RABGAP1: variants seen among roughly 807,000 people sequenced by gnomAD.
RABGAP1 encodes rab GTPase-activating protein 1.
RABGAP1 carries 23 observed loss-of-function variants against 137.6 expected under a neutral mutation model. That is an observed-to-expected ratio of 0.17 (90% CI 0.12 to 0.24). RABGAP1 has a LOEUF of 0.24. Among genes scored for constraint, RABGAP1 ranks in the 10% least tolerant of loss-of-function variants. The pLI is 1.00. For synonymous variants in RABGAP1, 451 were observed against 450.7 expected, an observed-to-expected ratio of 1.00 and a Z score of -0.01; for missense variants, 906 against 1,275.8, an observed-to-expected ratio of 0.71 and a Z score of 4.42.
At chr9:122,950,208 C>T (rs1193757458) in intron 1 of RABGAP1, among the ~76,000 whole-genome samples, 1 of 151,694 alleles carries the variant, frequency 6.6e-6, no homozygotes, top group Non-Finnish European at 1.5e-5. Flanking sequence ...TTGTTATAGC[C>T]AGGTTGAAAG....
chr9:123,030,292 G>C (rs2032225739), intron 13 of RABGAP1, among the ~76,000 whole-genome samples: 1 of 152,160 alleles, frequency 6.6e-6, no homozygotes, highest in Non-Finnish European at 1.5e-5. Context: ...CCATGAAGTA[G>C]ACAACTTCAA....
chr9:122,982,857 G>C lies in RABGAP1; in HGVS notation c.151-1628G>C, dbSNP rs117708385. 4.8e-3 allele frequency among the ~76,000 whole-genome samples: 728 copies of C among 152,144 alleles called. 3 individuals are homozygous for C. The highest frequency in any genetic ancestry group is 8.8e-3 in the Non-Finnish European group (597 of 67,998). On this transcript the variant is annotated intron_variant, in intron 2 of 25. Coordinates refer to ENST00000373647, the MANE Select transcript of RABGAP1 (RefSeq NM_012197.4). ...TCAAGTCCACGCTGGGCAACATAGT[G>C]ATATGATGTCACTTTTAAAAAAAAG...
chr9:123,079,572 G>A (rs151019354), intron 19 of RABGAP1, among the ~76,000 whole-genome samples: 385 of 152,194 alleles, frequency 2.5e-3, no homozygotes, highest in African/African-American at 8.9e-3. Context: ...TTGTTGTGAT[G>A]TGAACGGTTT....
chr9:123,057,129 A>C (rs1268731884), intron 13 of RABGAP1, among the ~76,000 whole-genome samples: 1 of 147,058 alleles, frequency 6.8e-6, no homozygotes, highest in Non-Finnish European at 1.5e-5. Context: ...TCCCTCCCGG[A>C]CGGGGCGGCT....
At chr9:122,962,529 A>AT (rs917800830) in intron 2 of RABGAP1, among the ~76,000 whole-genome samples, 83 of 151,952 alleles carry the variant, frequency 5.5e-4, no homozygotes, top group Middle Eastern at 3.4e-3. Flanking sequence ...TTAAAAAAAA[A>AT]AATAATAAAA....
At chr9:123,092,471 T>TC (rs1466053847) in intron 21 of RABGAP1, among the ~76,000 whole-genome samples, 1 of 152,210 alleles carries the variant, frequency 6.6e-6, no homozygotes, top group African/African-American at 2.4e-5. Flanking sequence ...GATGAGGATT[T>TC]GTTTTTTTTA....
At chr9:122,989,254 T>A in intron 4 of RABGAP1, 43 bp from the exon 5 acceptor site, 1 of 1,532,748 alleles carries the variant, frequency 6.5e-7, no homozygotes. Flanking sequence ...GTGCAGATTG[T>A]TCATAATTCC....
rs751312197 is a variant in RABGAP1, at chr9:122,984,663, C to T, written c.329C>T (p.Pro110Leu). 1 of 1,614,158 alleles carries T rather than the reference C, an allele frequency of 6.2e-7. No homozygotes were observed. Among genetic ancestry groups the T allele is most frequent in the East Asian group, 2.2e-5 (1 of 44,872 alleles). Reference sequence around the variant, plus strand: ...GCTTCATCCACCATTAACCCTGTGCCATTAGTAGGGCTCCAAAAACCAGAG... The same window carrying T: ...GCTTCATCCACCATTAACCCTGTGCTATTAGTAGGGCTCCAAAAACCAGAG... ...LSASSTINPV[P>L]LVGLQKPEMS... The change falls in exon 3 of 26, where the codon CCA becomes CTA. Residue 110 changes from proline to leucine, a missense_variant. Transcript: ENST00000373647.
At position 123,073,694 on chromosome 9, in the gene RABGAP1, G is replaced by C; in HGVS notation, c.2109+17G>C. 1 of 1,613,404 alleles carries C rather than the reference G, an allele frequency of 6.2e-7. No individual in the cohort carries two copies. On this transcript the variant is annotated intron_variant, in intron 16 of 25. Transcript: ENST00000373647. ...CTCATGCAGGTAAAAAGAGAAACCA[G>C]CTTGTGTTTGACAAAAAGAGTACAG...
chr9:123,015,658 T>G, intron 12 of RABGAP1, 22 bp downstream of exon 12: 1 of 1,524,932 alleles, frequency 6.6e-7, no homozygotes, highest in Non-Finnish European at 9.1e-7. Context: ...TAGAATAGTT[T>G]TTTTTATCTG....
intron 13 of RABGAP1, among the ~76,000 whole-genome samples, chr9:123,036,960 AT>A (rs1347159165): frequency 6.6e-6 from 1 of 152,022 alleles, no homozygotes; most frequent in Non-Finnish European, 1.5e-5. Context: ...CAAGAGGTTT[AT>A]TTTTCTAAAA....
intron 13 of RABGAP1, among the ~76,000 whole-genome samples, chr9:123,032,114 A>G (rs2032332041): frequency 6.6e-6 from 1 of 152,216 alleles, no homozygotes; most frequent in South Asian, 2.1e-4. Context: ...AGCCTTAAGC[A>G]TTTCAACATG....
At chr9:123,068,193 T>G (rs566460095) in intron 14 of RABGAP1, among the ~76,000 whole-genome samples, 1 of 151,860 alleles carries the variant, frequency 6.6e-6, no homozygotes, top group East Asian at 1.9e-4. Context: ...CTACTAAAAA[T>G]ACAAAAATTA....
chr9:123,101,708 A>G lies in RABGAP1; in HGVS notation c.3032A>G (p.Glu1011Gly). Residue 1011 changes from glutamate (E) to glycine (G), a missense_variant, in exon 25 of 26, where the codon GAG (glutamate) becomes GGG (glycine). Physicochemically the swap from Glu to Gly is moderately conservative, Grantham distance 98. This residue lies in a region of RABGAP1 where 193 missense variants were observed against 248.1 expected (regional missense o/e 0.78). Coordinates refer to ENST00000373647, the MANE Select transcript of RABGAP1 (RefSeq NM_012197.4). The stretch of plus-strand genomic sequence containing the variant: ...CTCAAGAACCAGCTGAGAGAAATGG[A>G]GCTAGAACTGGCACAGACCAAACTC... ...ETLKNQLREM[E>G]LELAQTKLQL... 4 of 1,613,902 alleles carry G rather than the reference A, an allele frequency of 2.5e-6. No individual in the cohort carries two copies. Among genetic ancestry groups the G allele is most frequent in the Non-Finnish European group, 3.4e-6 (4 of 1,179,946 alleles).
chr9:123,048,421 A>G (rs2033315596), intron 13 of RABGAP1, among the ~76,000 whole-genome samples: 2 of 152,236 alleles, frequency 1.3e-5, no homozygotes, highest in African/African-American at 2.4e-5. Context: ...CTTGAGCAAT[A>G]TGAGACTTGG....
upstream of RABGAP1, chr9:122,938,609 A>G (rs1223130488): frequency 1.3e-5 from 2 of 152,250 alleles, no homozygotes; most frequent in East Asian, 3.8e-4. Context: ...TGTCATCACT[A>G]ATCCAGTGGT....
rs1251617050 is a variant in RABGAP1 at position 123,077,024 on chromosome 9, A to G, written c.2424+262A>G. On this transcript the variant is annotated intron_variant, in intron 19 of 25. Coordinates refer to ENST00000373647, the MANE Select transcript of RABGAP1 (RefSeq NM_012197.4). ...TCGTTGTCCCCCCAACCGCCAAACT[A>G]TAGAAGAGTATTAATATCCCTGTTT... 3.9e-4 allele frequency: 7 copies of G among 18,140 alleles called. No homozygotes were observed. The East Asian group carries it at 6.6e-3, about 17-fold the overall frequency. 1.1% of individuals were successfully genotyped at this position (18,140 alleles called of 1,614,324 possible).
intron 6 of RABGAP1, among the ~76,000 whole-genome samples, chr9:122,991,925 G>A (rs1031857796): frequency 3.3e-5 from 5 of 152,114 alleles, no homozygotes; most frequent in African/African-American, 9.7e-5. Flanking sequence ...AAGCAATGCT[G>A]TGAGGTAGTC....
chr9:122,956,945 AGT>A, intron 1 of RABGAP1, 64 bp from the exon 2 acceptor site: 1 of 820,994 alleles, frequency 1.2e-6, no homozygotes. Flanking sequence ...TTGTGTAAGA[AGT>A]ACAGTGTAAT....
Sources: gnomAD v4.1 joint callset for allele counts (sites outside exome capture counted in the v4.1 genomes callset) on GRCh38, gnomAD v4.1.1 for gene constraint, gnomAD v4.1.1 regional missense constraint, MANE v1.5 for transcripts, NCBI Gene and HGNC (gene_info 2026-07-23, HGNC 2026-07-21) for gene names.